The following DRC8 variants were observed in gnomAD, a reference collection of about 807,000 sequenced individuals.
DRC8 encodes dynein regulatory complex protein 8.
chr1:245,017,256 G>C, the DRC8 span: 3 of 1,608,542 alleles, frequency 1.9e-6, no homozygotes, highest in Non-Finnish European at 2.5e-6. Flanking sequence ...AATAGTAGCA[G>C]AATTTCACAA....
chr1:245,083,204 A>G, the DRC8 span, among the ~76,000 whole-genome samples: 1 of 152,090 alleles, frequency 6.6e-6, no homozygotes, highest in Non-Finnish European at 1.5e-5. Context: ...TGCGAACCCT[A>G]TTGTGAACTG....
At chr1:244,970,414 G>T in the DRC8 span, 1 of 1,538,994 alleles carries the variant, frequency 6.5e-7, no homozygotes, top group South Asian at 1.2e-5. Context: ...CGGCTCCGCA[G>T]CAAGATGGCG....
chr1:245,096,815 G>C, the DRC8 span, among the ~76,000 whole-genome samples: 2 of 152,246 alleles, frequency 1.3e-5, no homozygotes, highest in Non-Finnish European at 2.9e-5. Flanking sequence ...TTAGGGAAAA[G>C]AGTGCTGAAT....
chr1:245,083,002 C>T, the DRC8 span, among the ~76,000 whole-genome samples: 1 of 152,110 alleles, frequency 6.6e-6, no homozygotes, highest in African/African-American at 2.4e-5. Context: ...AGCCACCATA[C>T]CCAGCCCTAT....
the DRC8 span, among the ~76,000 whole-genome samples, chr1:244,994,982 G>A: frequency 6.6e-6 from 1 of 152,148 alleles, no homozygotes; most frequent in Admixed American, 6.6e-5. Flanking sequence ...TTCACAACTA[G>A]CAATTCCTGG....
At chr1:245,028,686 A>G in the DRC8 span, among the ~76,000 whole-genome samples, 1 of 152,330 alleles carries the variant, frequency 6.6e-6, no homozygotes, top group South Asian at 2.1e-4. Context: ...GCAATCAGGA[A>G]AGGGGATTAC....
the DRC8 span, chr1:244,970,210 C>T: frequency 6.7e-6 from 5 of 750,492 alleles, no homozygotes; most frequent in Non-Finnish European, 1.2e-5. Flanking sequence ...CTCTGGTCTT[C>T]CCCCAGCGCG....
At chr1:244,980,196 G>A in the DRC8 span, among the ~76,000 whole-genome samples, 5 of 145,668 alleles carry the variant, frequency 3.4e-5, no homozygotes, top group South Asian at 8.7e-4. Context: ...TCCAGCAAGG[G>A]CAACACAGCG....
the DRC8 span, among the ~76,000 whole-genome samples, chr1:245,063,249 C>G: frequency 6.6e-6 from 1 of 152,134 alleles, no homozygotes; most frequent in Admixed American, 6.5e-5. Context: ...GTCTCACCCT[C>G]GCAGCAAGGG....
At chr1:244,970,529 C>G in the DRC8 span, 1 of 1,479,026 alleles carries the variant, frequency 6.8e-7, no homozygotes, top group South Asian at 1.3e-5. Context: ...GGGGTGGGCC[C>G]TCGTCCATCT....
chr1:244,977,682 T>A, the DRC8 span, among the ~76,000 whole-genome samples: 10 of 152,102 alleles, frequency 6.6e-5, no homozygotes, highest in East Asian at 5.8e-4. Flanking sequence ...AAATAAAAAA[T>A]AATAATAAAA....
At chr1:245,117,584 C>T in the DRC8 span, among the ~76,000 whole-genome samples, 1 of 151,312 alleles carries the variant, frequency 6.6e-6, no homozygotes, top group African/African-American at 2.4e-5. Flanking sequence ...CCACCATGCC[C>T]AGCTAATTCT....
the DRC8 span, among the ~76,000 whole-genome samples, chr1:245,092,448 C>T: frequency 1.8e-3 from 276 of 152,334 alleles, 1 homozygote; most frequent in South Asian, 6.8e-3. Flanking sequence ...AGATCAGTGT[C>T]ACTACCTTAC....
At chr1:244,970,224 G>A in the DRC8 span, 1 of 764,942 alleles carries the variant, frequency 1.3e-6, no homozygotes, top group Non-Finnish European at 2.3e-6. Context: ...CAGCGCGAGG[G>A]TCGTGGCGCG....
chr1:244,997,675 C>A, the DRC8 span, among the ~76,000 whole-genome samples: 1 of 151,862 alleles, frequency 6.6e-6, no homozygotes, highest in African/African-American at 2.4e-5. Context: ...TCCTGACTAG[C>A]TGGGATTACA....
At chr1:245,083,808 T>C in the DRC8 span, 2 of 1,401,578 alleles carry the variant, frequency 1.4e-6, no homozygotes, top group Non-Finnish European at 1.9e-6. Flanking sequence ...AGTTATTTAC[T>C]GTTCCTGCTA....
chr1:245,083,753 T>C, the DRC8 span: 55 of 1,540,752 alleles, frequency 3.6e-5, no homozygotes, highest in Middle Eastern at 4.0e-4. Flanking sequence ...TTAACAGTTA[T>C]GCGAAAGTTA....
the DRC8 span, among the ~76,000 whole-genome samples, chr1:245,080,896 T>C: frequency 6.6e-6 from 1 of 152,154 alleles, no homozygotes; most frequent in African/African-American, 2.4e-5. Flanking sequence ...TAGCCTCATC[T>C]TGAAGCCTTC....
At chr1:245,059,460 T>C in the DRC8 span, 1 of 1,611,256 alleles carries the variant, frequency 6.2e-7, no homozygotes, top group African/African-American at 1.3e-5. Flanking sequence ...ATTGCAGAGG[T>C]GAGTACGGCG....
Sources: allele counts gnomAD v4.1 joint callset (sites outside exome capture counted in the v4.1 genomes callset), GRCh38; gene constraint gnomAD v4.1.1; transcripts MANE v1.5; gene names NCBI Gene and HGNC (gene_info 2026-07-23, HGNC 2026-07-21).